TENM3: variants seen among roughly 807,000 people sequenced by gnomAD.
TENM3 encodes teneurin transmembrane protein 3.
A neutral mutation model predicts 255.1 loss-of-function variants in TENM3; 63 were observed. The ratio of observed to expected loss-of-function variants is 0.25; its 90% CI spans 0.20 to 0.30. The LOEUF is 0.30. Among genes scored for constraint, TENM3 ranks in the 10% least tolerant of loss-of-function variants. TENM3 has a pLI of 1.00. For synonymous variants in TENM3, 1,306 were observed against 1,322.3 expected, an observed-to-expected ratio of 0.99 and a Z score of 0.27; for missense variants, 2,929 against 3,461.1, an observed-to-expected ratio of 0.85 and a Z score of 3.86.
intron 5 of TENM3, among the ~76,000 whole-genome samples, chr4:182,649,716 G>T (rs1215056156): frequency 1.3e-5 from 2 of 150,332 alleles, no homozygotes; most frequent in East Asian, 4.1e-4. Flanking sequence ...CAGAATAGTG[G>T]GAAAGTGCTG....
At chr4:182,661,357 T>A (rs1288275775) in intron 6 of TENM3, among the ~76,000 whole-genome samples, 1 of 152,036 alleles carries the variant, frequency 6.6e-6, no homozygotes, top group Non-Finnish European at 1.5e-5. Context: ...ACATTTTTGA[T>A]CATCGTGTAT....
Position 182,801,818 on chromosome 4 carries a change from G to T in TENM3, c.*1467G>T, listed in dbSNP as rs1479582625. On this transcript the variant is annotated 3_prime_UTR_variant, in exon 28 of 28. Transcript: ENST00000511685. Reference sequence around the variant, plus strand: ...CAGCTGGAAGTGAACTGACAGCCGCGCCCTCCTGCACACATGCATGCACGC... The same window carrying T: ...CAGCTGGAAGTGAACTGACAGCCGCTCCCTCCTGCACACATGCATGCACGC... 1 of 152,310 alleles carries T rather than the reference G, an allele frequency of 6.6e-6. No individual in the cohort carries two copies. The highest frequency in any genetic ancestry group is 1.5e-5 in the Non-Finnish European group (1 of 68,044). 9.4% of individuals were successfully genotyped at this position (152,310 alleles called of 1,614,324 possible).
chr4:182,092,036 A>T, the TENM3 span, among the ~76,000 whole-genome samples: 1 of 152,172 alleles, frequency 6.6e-6, no homozygotes. Context: ...TTGAGGATGC[A>T]CAAGAACATC....
At chr4:181,743,879 T>C in the TENM3 span, among the ~76,000 whole-genome samples, 2 of 152,102 alleles carry the variant, frequency 1.3e-5, no homozygotes, top group African/African-American at 4.8e-5. Context: ...TAGGTAAAAG[T>C]GTGCCATGAT....
chr4:181,729,592 T>C, the TENM3 span, among the ~76,000 whole-genome samples: 1 of 152,338 alleles, frequency 6.6e-6, no homozygotes, highest in Non-Finnish European at 1.5e-5. Flanking sequence ...TCAGTTAAAT[T>C]ACAATGAAAA....
At chr4:182,523,337 C>T (rs1310887066) in intron 3 of TENM3, among the ~76,000 whole-genome samples, 1 of 152,108 alleles carries the variant, frequency 6.6e-6, no homozygotes, top group Non-Finnish European at 1.5e-5. Flanking sequence ...GATCAAGACT[C>T]ACTGTTTCTC....
chr4:182,070,403 G>A, the TENM3 span, among the ~76,000 whole-genome samples: 10,259 of 152,238 alleles, frequency 0.067, 597 homozygotes, highest in African/African-American at 0.16. Flanking sequence ...TGGATCACTC[G>A]AGGTCGGGAG....
At chr4:181,724,037 G>T in the TENM3 span, among the ~76,000 whole-genome samples, 2 of 152,128 alleles carry the variant, frequency 1.3e-5, no homozygotes, top group African/African-American at 4.8e-5. Flanking sequence ...GTGCCAGCAG[G>T]CCTATAAAAG....
chr4:182,045,468 A>G, the TENM3 span, among the ~76,000 whole-genome samples: 1 of 152,140 alleles, frequency 6.6e-6, no homozygotes, highest in African/African-American at 2.4e-5. Flanking sequence ...ACGAAAGAAC[A>G]GGAACAGAAG....
chr4:182,151,232 A>G (rs182530095), intron 1 of TENM3, among the ~76,000 whole-genome samples: 1 of 152,278 alleles, frequency 6.6e-6, no homozygotes, highest in East Asian at 1.9e-4. Context: ...ACAGGATTGA[A>G]TTATTAGAAT....
chr4:181,806,697 T>A, the TENM3 span, among the ~76,000 whole-genome samples: 8 of 152,080 alleles, frequency 5.3e-5, no homozygotes, highest in Non-Finnish European at 1.0e-4. Context: ...GATCTTGGAG[T>A]CCCTGGCCTC....
chr4:181,605,598 AAAG>A, the TENM3 span, among the ~76,000 whole-genome samples: 173 of 131,756 alleles, frequency 1.3e-3, 12 homozygotes, highest in African/African-American at 4.4e-3. Context: ...AGAAAGAAAG[AAAG>A]AAAGAAAGAA....
chr4:182,451,827 TG>T (rs1473606908), intron 3 of TENM3, among the ~76,000 whole-genome samples: 10 of 152,242 alleles, frequency 6.6e-5, no homozygotes, highest in African/African-American at 2.4e-4. Context: ...GACTGGGCTT[TG>T]GAACATCAGT....
chr4:182,013,919 TATATAC>T, the TENM3 span, among the ~76,000 whole-genome samples: 2 of 148,698 alleles, frequency 1.3e-5, no homozygotes, highest in African/African-American at 4.9e-5. Context: ...CTTTATATTA[TATATAC>T]ATATATCTGT....
intron 3 of TENM3, among the ~76,000 whole-genome samples, chr4:182,564,308 A>G (rs1444103938): frequency 6.7e-6 from 1 of 149,252 alleles, no homozygotes; most frequent in African/African-American, 2.4e-5. Flanking sequence ...CTTTCTTTAA[A>G]AAAAAAAAAA....
At chr4:181,851,311 A>G in the TENM3 span, among the ~76,000 whole-genome samples, 1 of 152,166 alleles carries the variant, frequency 6.6e-6, no homozygotes, top group African/African-American at 2.4e-5. Context: ...AGTTCAACCC[A>G]TACAACATAG....
At chr4:182,766,882 A>G (rs1323261514) in intron 22 of TENM3, among the ~76,000 whole-genome samples, 1 of 152,190 alleles carries the variant, frequency 6.6e-6, no homozygotes, top group Non-Finnish European at 1.5e-5. Context: ...TGGGGTTACC[A>G]ACACCCACCC....
chr4:181,592,939 C>T, the TENM3 span, among the ~76,000 whole-genome samples: 4 of 152,114 alleles, frequency 2.6e-5, no homozygotes, highest in Non-Finnish European at 5.9e-5. Context: ...TTGAGTTGAA[C>T]ACAAAAGAAA....
At chr4:182,383,828 G>A (rs1767729145) in intron 3 of TENM3, among the ~76,000 whole-genome samples, 1 of 152,174 alleles carries the variant, frequency 6.6e-6, no homozygotes, top group Non-Finnish European at 1.5e-5. Flanking sequence ...TGGAACAGAG[G>A]AGGAAACCCA....
Sources: gnomAD v4.1 joint callset for allele counts (sites outside exome capture counted in the v4.1 genomes callset) on GRCh38, gnomAD v4.1.1 for gene constraint, MANE v1.5 for transcripts, NCBI Gene and HGNC (gene_info 2026-07-23, HGNC 2026-07-21) for gene names.